PREX2: variants seen among roughly 807,000 people sequenced by gnomAD.
PREX2 encodes phosphatidylinositol-3,4,5-trisphosphate dependent Rac exchange factor 2, also known as phosphatidylinositol 3,4,5-trisphosphate-dependent Rac exchanger 2 protein.
Under a neutral mutation model 203.2 loss-of-function variants are expected in PREX2, and 107 were observed. That is an observed-to-expected ratio of 0.53 (90% CI 0.45 to 0.62). The LOEUF (loss-of-function observed/expected upper bound fraction) is 0.62. Among genes scored for constraint, PREX2 ranks in the 20% least tolerant of loss-of-function variants. The probability of loss-of-function intolerance (pLI) is 0.00; values close to 1 mark genes in which losing one functional copy is unlikely to be tolerated. For synonymous variants in PREX2, 672 were observed against 663.6 expected, an observed-to-expected ratio of 1.01 and a Z score of -0.19; for missense variants, 1,777 against 1,955.9, an observed-to-expected ratio of 0.91 and a Z score of 1.72.
chr8:68,089,701 T>C (rs1809808723), intron 19 of PREX2, among the ~76,000 whole-genome samples: 1 of 152,238 alleles, frequency 6.6e-6, no homozygotes, highest in Admixed American at 6.5e-5. Context: ...AATGCAAAGA[T>C]ATATTCTTGA....
rs1015916168 is a variant in PREX2 at position 68,142,810 on chromosome 8, A to G, written c.4088-3399A>G. Among the ~76,000 whole-genome samples the G allele has an allele frequency of 8.5e-5, 13 of 152,300 alleles. No individual in the cohort carries two copies. In the East Asian group the frequency reaches 9.7e-4, roughly 11 times the overall value. On this transcript the variant is annotated intron_variant, in intron 33 of 39. Transcript: ENST00000288368. ...TAAGGAAACTACAAGGTACTCCCAT[A>G]TCATATTATTTAATTAGTGAGAGAG...
intron 11 of PREX2, among the ~76,000 whole-genome samples, chr8:68,066,062 C>G (rs779536057): frequency 5.3e-5 from 8 of 152,136 alleles, no homozygotes; most frequent in Non-Finnish European, 1.0e-4. Flanking sequence ...GATCTACTCT[C>G]TTAGCAATTT....
chr8:68,210,790 A>G (rs1812728508), intron 37 of PREX2, among the ~76,000 whole-genome samples: 1 of 152,214 alleles, frequency 6.6e-6, no homozygotes, highest in South Asian at 2.1e-4. Context: ...GACCAACTGT[A>G]GGAGGCCCGT....
intron 14 of PREX2, among the ~76,000 whole-genome samples, chr8:68,076,228 G>T (rs1414136110): frequency 6.6e-6 from 1 of 152,102 alleles, no homozygotes; most frequent in Admixed American, 6.5e-5. Flanking sequence ...AGGTTGAGGC[G>T]AGTGGATCAC....
intron 6 of PREX2, among the ~76,000 whole-genome samples, chr8:68,036,186 A>G (rs1808025079): frequency 6.6e-6 from 1 of 152,178 alleles, no homozygotes; most frequent in South Asian, 2.1e-4. Context: ...AGTCAAACGA[A>G]CGAACAGGAT....
At chr8:68,104,233 A>G (rs765794104) in intron 23 of PREX2, among the ~76,000 whole-genome samples, 3 of 152,176 alleles carry the variant, frequency 2.0e-5, no homozygotes, top group Non-Finnish European at 4.4e-5. Context: ...TGTAAGTGGT[A>G]TCTTTGCTGC....
At chr8:67,968,990 A>G (rs748842431) in intron 1 of PREX2, among the ~76,000 whole-genome samples, 2 of 152,198 alleles carry the variant, frequency 1.3e-5, no homozygotes, top group Non-Finnish European at 2.9e-5. Context: ...TTTTCAATCC[A>G]TCAGTAGCTC....
At chr8:68,044,849 G>C (rs1208132797) in intron 8 of PREX2, among the ~76,000 whole-genome samples, 2 of 152,084 alleles carry the variant, frequency 1.3e-5, no homozygotes, top group African/African-American at 2.4e-5. Flanking sequence ...GTGTCCCATG[G>C]CATTCACGGG....
chr8:68,209,651 C>G (rs1402022865), intron 37 of PREX2, among the ~76,000 whole-genome samples: 1 of 152,074 alleles, frequency 6.6e-6, no homozygotes, highest in Non-Finnish European at 1.5e-5. Context: ...AACTAAAAAA[C>G]AAAATCAGAT....
intron 18 of PREX2, among the ~76,000 whole-genome samples, chr8:68,083,888 A>T (rs1380726783): frequency 6.6e-6 from 1 of 152,210 alleles, no homozygotes; most frequent in African/African-American, 2.4e-5. Context: ...CTATGATTAG[A>T]AAAAAAGTTA....
At chr8:68,072,429 G>T in intron 13 of PREX2, 66 bp from the exon 14 acceptor site, 1 of 832,774 alleles carries the variant, frequency 1.2e-6, no homozygotes, top group Non-Finnish European at 2.0e-6. Context: ...ATATTTTCTT[G>T]TGCTTACCTA....
chr8:68,096,902 G>C lies in PREX2; in HGVS notation c.2369-115G>C, dbSNP rs1810095113. On this transcript the variant is annotated intron_variant, in intron 21 of 39. Transcript: ENST00000288368. Reference sequence around the variant, plus strand: ...AATAGATGCTTCATTTAACACATCAGATTTAACCATCCCTTAAAGAACTCT... The same window carrying C: ...AATAGATGCTTCATTTAACACATCACATTTAACCATCCCTTAAAGAACTCT... 5 of 810,990 alleles carry C rather than the reference G, an allele frequency of 6.2e-6. No homozygotes were observed. The Admixed American group carries it at 9.6e-5, about 16-fold the overall frequency. 50.2% of individuals were successfully genotyped at this position (810,990 alleles called of 1,614,324 possible). A position where few individuals can be genotyped will look rare whatever the true frequency, so the allele number is the denominator to read the frequency against.
intron 14 of PREX2, among the ~76,000 whole-genome samples, chr8:68,076,324 G>A (rs568049837): frequency 3.0e-4 from 45 of 152,182 alleles, no homozygotes; most frequent in African/African-American, 4.3e-4. Context: ...GGGTGTGTTG[G>A]CATGCACCTG....
intron 1 of PREX2, among the ~76,000 whole-genome samples, chr8:68,003,629 A>G (rs1807008182): frequency 6.6e-6 from 1 of 152,136 alleles, no homozygotes; most frequent in Non-Finnish European, 1.5e-5. Context: ...TCTGTTACAG[A>G]GATATAAGAT....
chr8:68,020,584 T>C (rs1168754657), intron 3 of PREX2, among the ~76,000 whole-genome samples: 1 of 152,200 alleles, frequency 6.6e-6, no homozygotes, highest in Admixed American at 6.6e-5. Flanking sequence ...CTGTGTTCTT[T>C]TTATAGTCAG....
intron 34 of PREX2, among the ~76,000 whole-genome samples, chr8:68,151,828 A>G (rs1180627936): frequency 4.0e-5 from 6 of 151,062 alleles, no homozygotes; most frequent in Non-Finnish European, 7.4e-5. Context: ...CCTAAGTCTT[A>G]CCTCTTGACA....
At chr8:68,006,540 G>A (rs1354650701) in intron 1 of PREX2, among the ~76,000 whole-genome samples, 1 of 152,112 alleles carries the variant, frequency 6.6e-6, no homozygotes, top group Admixed American at 6.5e-5. Context: ...GCTACTATAT[G>A]TCATCTCCCT....
intron 25 of PREX2, among the ~76,000 whole-genome samples, chr8:68,113,962 A>G (rs891289453): frequency 1.4e-4 from 21 of 152,174 alleles, no homozygotes; most frequent in African/African-American, 4.6e-4. Flanking sequence ...CCAGGGTTCA[A>G]GCGATTCTCC....
At position 68,218,064 on chromosome 8, in the gene PREX2, C is replaced by G. The variant is rs182579027; in HGVS notation, c.4707+346C>G. ...TTTTTGGCAATTGTTAGTGGTAAAG[C>G]TTGGGACGGAGAGGCACAGCAGCAA... On this transcript the variant is annotated intron_variant, in intron 38 of 39. Transcript: ENST00000288368. Among the ~76,000 whole-genome samples the G allele has an allele frequency of 1.5e-3, 207 of 138,356 alleles. 2 individuals are homozygous for G. Among genetic ancestry groups the G allele is most frequent in the Non-Finnish European group, 1.0e-3 (66 of 65,684 alleles). The allele number at this position is 138,356 out of a possible 152,430, so 90.8% of individuals were successfully genotyped here.
Sources: allele counts gnomAD v4.1 joint callset (sites outside exome capture counted in the v4.1 genomes callset), GRCh38; gene constraint gnomAD v4.1.1; transcripts MANE v1.5; gene names NCBI Gene and HGNC (gene_info 2026-07-23, HGNC 2026-07-21).